Variants in AKAP10 observed in about 807,000 individuals in gnomAD.
The protein encoded by AKAP10 is A-kinase anchoring protein 10.
In AKAP10, 24 loss-of-function variants were observed where a neutral mutation model predicts 80.8. The observed-to-expected ratio is 0.30, with a 90% CI of 0.22 to 0.42. AKAP10 has a LOEUF of 0.42. Ranked by LOEUF, AKAP10 falls within the 10% of genes least tolerant of loss-of-function variation. The pLI, the probability that AKAP10 is intolerant of heterozygous loss-of-function variation, is 1.00. For synonymous variants in AKAP10, 291 were observed against 277.7 expected, an observed-to-expected ratio of 1.05 and a Z score of -0.48; for missense variants, 661 against 794.9, an observed-to-expected ratio of 0.83 and a Z score of 2.03.
In AKAP10 at chr17:19,965,790, A is replaced by G. The variant is rs902518379; in HGVS notation, c.136+2624T>C. 2.0e-5 allele frequency among the ~76,000 whole-genome samples: 3 copies of G among 152,124 alleles called. No homozygotes were observed. In the South Asian group the frequency reaches 6.2e-4, roughly 31 times the overall value. ...ACAAACTGAAGGCTATGTTAAAACT[A>G]GATAATGATAGCTACCAATGGAGGA... On this transcript the variant is annotated intron_variant, in intron 2 of 14. Coordinates refer to ENST00000225737, the MANE Select transcript of AKAP10 (RefSeq NM_007202.4).
At chr17:19,971,892 G>A (rs756001325) in intron 1 of AKAP10, among the ~76,000 whole-genome samples, 6 of 152,156 alleles carry the variant, frequency 3.9e-5, no homozygotes, top group Non-Finnish European at 8.8e-5. Flanking sequence ...GCTCACCTGA[G>A]GTCAGGAGTT....
chr17:19,941,074 T>C (rs929481746), intron 6 of AKAP10, 64 bp from the exon 7 acceptor site: 1 of 1,530,310 alleles, frequency 6.5e-7, no homozygotes, highest in Non-Finnish European at 8.8e-7. Context: ...GTGGGAAAAA[T>C]ATACTCTTTC....
At chr17:19,936,916 A>C (rs2042998512) in intron 8 of AKAP10, among the ~76,000 whole-genome samples, 1 of 152,158 alleles carries the variant, frequency 6.6e-6, no homozygotes, top group South Asian at 2.1e-4. Flanking sequence ...TTCAAAACAA[A>C]ACAGCACTGA....
At chr17:19,942,844 G>A (rs975659053) in intron 5 of AKAP10, among the ~76,000 whole-genome samples, 5 of 151,738 alleles carry the variant, frequency 3.3e-5, no homozygotes, top group African/African-American at 1.2e-4. Flanking sequence ...CACTTTCCTA[G>A]ACAATACAAA....
intron 1 of AKAP10, among the ~76,000 whole-genome samples, chr17:19,976,764 C>G (rs530912186): frequency 3.3e-5 from 5 of 152,088 alleles, no homozygotes; most frequent in Non-Finnish European, 5.9e-5. Context: ...GTGATCCACC[C>G]GCCAAGCCTC....
At chr17:19,936,032 G>T in intron 9 of AKAP10, 5 of 314,238 alleles carry the variant, frequency 1.6e-5, no homozygotes, top group South Asian at 1.6e-4. Flanking sequence ...TCTAACTTTT[G>T]TTATTATTGC....
At chr17:19,908,346 T>C (rs1250697293) in intron 14 of AKAP10, among the ~76,000 whole-genome samples, 1 of 152,216 alleles carries the variant, frequency 6.6e-6, no homozygotes. Context: ...TAGTAAGGCA[T>C]AACCTCTGTG....
intron 7 of AKAP10, 131 bp from the exon 8 acceptor site, chr17:19,939,980 C>T (rs966233468): frequency 3.1e-6 from 3 of 954,840 alleles, no homozygotes; most frequent in African/African-American, 3.4e-5. Flanking sequence ...CTTCTGTTAA[C>T]ACCTGTCAGC....
intron 1 of AKAP10, among the ~76,000 whole-genome samples, chr17:19,976,252 C>CG (rs1454702117): frequency 1.3e-5 from 2 of 151,930 alleles, no homozygotes; most frequent in Non-Finnish European, 2.9e-5. Context: ...TTTGGGAGGC[C>CG]GAGGTGGGAG....
intron 12 of AKAP10, among the ~76,000 whole-genome samples, chr17:19,915,072 T>A (rs2042730603): frequency 6.6e-6 from 1 of 152,138 alleles, no homozygotes; most frequent in Non-Finnish European, 1.5e-5. Flanking sequence ...AAAGGTATAT[T>A]GAAAAGTAAA....
intron 1 of AKAP10, among the ~76,000 whole-genome samples, chr17:19,974,096 G>C (rs1217828867): frequency 6.6e-6 from 1 of 152,154 alleles, no homozygotes; most frequent in African/African-American, 2.4e-5. Context: ...CGAGGCTGAG[G>C]CAGGAGAATC....
intron 8 of AKAP10, among the ~76,000 whole-genome samples, chr17:19,938,237 A>AT (rs71157845): frequency 5.4e-4 from 74 of 136,090 alleles, no homozygotes; most frequent in Middle Eastern, 3.9e-3. Flanking sequence ...CTGAAAACCT[A>AT]TTTTTTTTTT....
Position 19,905,937 on chromosome 17 carries a change from T to A in AKAP10, c.*290A>T. ...TGTCTATTCCAGTAGGCTAAAACACTCTCATAAATGGGTTATTGCCATTGG... is the reference window on the plus strand; with the variant it reads ...TGTCTATTCCAGTAGGCTAAAACACACTCATAAATGGGTTATTGCCATTGG... On this transcript the variant is annotated 3_prime_UTR_variant, in exon 15 of 15. Coordinates refer to ENST00000225737, the MANE Select transcript of AKAP10 (RefSeq NM_007202.4). 2.5e-6 allele frequency: 1 copy of A among 400,498 alleles called. No homozygotes were observed. The highest frequency in any genetic ancestry group is 4.6e-6 in the Non-Finnish European group (1 of 217,364). The allele number at this position is 400,498 out of a possible 1,614,324, so 24.8% of individuals were successfully genotyped here.
intron 9 of AKAP10, among the ~76,000 whole-genome samples, chr17:19,934,210 C>T (rs1182326557): frequency 7.9e-5 from 12 of 152,234 alleles, no homozygotes; most frequent in African/African-American, 2.6e-4. Context: ...TGTGAGTCGC[C>T]GTGCCTAGCC....
intron 12 of AKAP10, 121 bp from the exon 13 acceptor site, chr17:19,910,099 G>GAATCACCCACCTC: frequency 4.7e-6 from 4 of 855,398 alleles, no homozygotes; most frequent in Non-Finnish European, 7.4e-6. Context: ...AGGCCGAGGT[G>GAATCACCCACCTC]GGTGATTCAC....
At chr17:19,949,493 C>T (rs192283262) in intron 4 of AKAP10, among the ~76,000 whole-genome samples, 21 of 152,174 alleles carry the variant, frequency 1.4e-4, no homozygotes, top group Non-Finnish European at 2.5e-4. Context: ...AAGACTTAGC[C>T]GGGCGCGGTG....
rs2043593313 is a variant in AKAP10, at chr17:19,977,741, C to G, written c.-62G>C. 1 of 1,098,792 alleles carries G rather than the reference C, an allele frequency of 9.1e-7. No individual in the cohort carries two copies. The highest frequency in any genetic ancestry group is 1.2e-6 in the Non-Finnish European group (1 of 863,842). 68.1% of individuals were successfully genotyped at this position (1,098,792 alleles called of 1,614,324 possible). A position where few individuals can be genotyped will look rare whatever the true frequency, so the allele number is the denominator to read the frequency against. On this transcript the variant is annotated 5_prime_UTR_variant, in exon 1 of 15. Coordinates refer to ENST00000225737, the MANE Select transcript of AKAP10 (RefSeq NM_007202.4). ...CGCTGCACTAGCGCGAAAAGGGACCCTTCTTCCGGGAGTGGGCCCCACCGC... is the reference window on the plus strand; with the variant it reads ...CGCTGCACTAGCGCGAAAAGGGACCGTTCTTCCGGGAGTGGGCCCCACCGC...
At chr17:19,959,664 A>C (rs1298632815) in intron 3 of AKAP10, among the ~76,000 whole-genome samples, 1 of 152,224 alleles carries the variant, frequency 6.6e-6, no homozygotes, top group Non-Finnish European at 1.5e-5. Flanking sequence ...AAAGACAAAA[A>C]ATTTTTTTAA....
intron 12 of AKAP10, among the ~76,000 whole-genome samples, chr17:19,918,620 A>C (rs553805976): frequency 6.6e-6 from 1 of 152,348 alleles, no homozygotes; most frequent in African/African-American, 2.4e-5. Context: ...GCGCCTGGCC[A>C]ATAGCTCTTA....
Sources: gnomAD v4.1 joint callset for allele counts (sites outside exome capture counted in the v4.1 genomes callset) on GRCh38, gnomAD v4.1.1 for gene constraint, MANE v1.5 for transcripts, NCBI Gene and HGNC (gene_info 2026-07-23, HGNC 2026-07-21) for gene names.